Variants in CHCHD6 observed in about 807,000 individuals in gnomAD.
The protein encoded by CHCHD6 is coiled-coil-helix-coiled-coil-helix domain containing 6.
Under a neutral mutation model 32.3 loss-of-function variants are expected in CHCHD6, and 28 were observed. The observed-to-expected ratio is 0.87, with a 90% CI of 0.64 to 1.19. The LOEUF (loss-of-function observed/expected upper bound fraction) is 1.19, where lower values mean the gene tolerates loss of function less well. Among genes scored for constraint, CHCHD6 ranks in the 50% most tolerant of loss-of-function variants. The pLI is 0.00. For missense variants in CHCHD6, 333 were observed against 307.0 expected (o/e 1.08, Z -0.63); for synonymous variants, 122 against 117.5 (o/e 1.04, Z -0.25).
intron 4 of CHCHD6, among the ~76,000 whole-genome samples, chr3:126,776,078 G>T (rs1228284816): frequency 6.6e-6 from 1 of 152,210 alleles, no homozygotes; most frequent in Admixed American, 6.5e-5. Context: ...CCCTTAGTAG[G>T]TGTTGCCTTG....
intron 1 of CHCHD6, among the ~76,000 whole-genome samples, chr3:126,715,065 A>G (rs1469854685): frequency 1.3e-5 from 2 of 152,200 alleles, no homozygotes; most frequent in African/African-American, 4.8e-5. Context: ...TTTTGTGGGT[A>G]TACGGATGCT....
intron 6 of CHCHD6, chr3:126,953,111 G>C: frequency 1.0e-6 from 1 of 985,490 alleles, no homozygotes; most frequent in Non-Finnish European, 1.2e-6. Flanking sequence ...ACAGCTCTGT[G>C]GGGTGGGGTC....
At chr3:126,929,121 A>C (rs966884667) in intron 6 of CHCHD6, among the ~76,000 whole-genome samples, 1 of 152,206 alleles carries the variant, frequency 6.6e-6, no homozygotes, top group Non-Finnish European at 1.5e-5. Flanking sequence ...TCTGAAGATA[A>C]CTTTTATGTC....
chr3:126,867,764 C>A (rs779914133), intron 5 of CHCHD6, among the ~76,000 whole-genome samples: 3 of 152,190 alleles, frequency 2.0e-5, no homozygotes, highest in Non-Finnish European at 4.4e-5. Flanking sequence ...AAGTCCTGCC[C>A]ACATCATTGA....
chr3:126,847,869 C>A (rs1009461426), intron 4 of CHCHD6, among the ~76,000 whole-genome samples: 2 of 152,110 alleles, frequency 1.3e-5, no homozygotes, highest in African/African-American at 4.8e-5. Flanking sequence ...CCTCTCTTAC[C>A]CCCTTGTCCT....
chr3:126,874,114 T>C (rs1433554789), intron 5 of CHCHD6, among the ~76,000 whole-genome samples: 2 of 152,210 alleles, frequency 1.3e-5, no homozygotes, highest in Non-Finnish European at 2.9e-5. Context: ...ATGTCACTTA[T>C]GAAGTGCCGT....
chr3:126,874,439 G>A (rs998313930), intron 5 of CHCHD6, among the ~76,000 whole-genome samples: 12 of 152,288 alleles, frequency 7.9e-5, no homozygotes, highest in East Asian at 3.9e-4. Context: ...AGCTGAGCCC[G>A]TCAGGATGTG....
intron 4 of CHCHD6, among the ~76,000 whole-genome samples, chr3:126,767,700 T>G (rs1937434744): frequency 6.6e-6 from 1 of 152,146 alleles, no homozygotes; most frequent in African/African-American, 2.4e-5. Flanking sequence ...ACCCAGATAA[T>G]TAGCCTAGTA....
chr3:126,825,140 A>G (rs1940333035), intron 4 of CHCHD6, among the ~76,000 whole-genome samples: 1 of 152,002 alleles, frequency 6.6e-6, no homozygotes, highest in African/African-American at 2.4e-5. Flanking sequence ...AATATTTTCT[A>G]ATCTATTTTG....
chr3:126,725,773 A>G (rs1483567695), intron 1 of CHCHD6, among the ~76,000 whole-genome samples: 3 of 152,180 alleles, frequency 2.0e-5, no homozygotes, highest in African/African-American at 7.2e-5. Context: ...CTTTTATGTT[A>G]TGGAGATGGT....
At chr3:126,789,563 T>C (rs1336142292) in intron 4 of CHCHD6, among the ~76,000 whole-genome samples, 1 of 152,256 alleles carries the variant, frequency 6.6e-6, no homozygotes, top group Non-Finnish European at 1.5e-5. Flanking sequence ...ATTGCACCCT[T>C]TACCATTATG....
intron 5 of CHCHD6, among the ~76,000 whole-genome samples, chr3:126,894,183 G>A (rs2077804563): frequency 6.6e-6 from 1 of 152,210 alleles, no homozygotes; most frequent in Admixed American, 6.5e-5. Flanking sequence ...ACCCTTGCTT[G>A]AGGCCATGTG....
intron 4 of CHCHD6, among the ~76,000 whole-genome samples, chr3:126,768,315 C>T (rs1478640356): frequency 6.6e-6 from 1 of 152,164 alleles, no homozygotes; most frequent in Non-Finnish European, 1.5e-5. Context: ...AGCTGTTCCC[C>T]CTTTGCCTTA....
intron 5 of CHCHD6, chr3:126,865,802 C>T: frequency 1.1e-6 from 1 of 910,328 alleles, no homozygotes; most frequent in Non-Finnish European, 1.3e-6. Flanking sequence ...GAAATCCTCT[C>T]ATATATCTCA....
chr3:126,931,608 C>T (rs2078407058), intron 6 of CHCHD6, among the ~76,000 whole-genome samples: 2 of 152,188 alleles, frequency 1.3e-5, no homozygotes, highest in Admixed American at 1.3e-4. Context: ...GAGTCTGCCC[C>T]CCAGGTCATT....
At chr3:126,914,555 T>C (rs1384266481) in intron 5 of CHCHD6, 125 bp from the exon 6 acceptor site, 6 of 689,606 alleles carry the variant, frequency 8.7e-6, no homozygotes, top group Non-Finnish European at 1.6e-5. Flanking sequence ...TGTGGATTAA[T>C]TACCAGTCGG....
intron 5 of CHCHD6, among the ~76,000 whole-genome samples, chr3:126,911,653 G>C (rs1236925269): frequency 6.6e-6 from 1 of 152,234 alleles, no homozygotes; most frequent in Non-Finnish European, 1.5e-5. Context: ...CTTGGCCTGT[G>C]GGTACTTCCT....
At chr3:126,732,981 T>A in intron 3 of CHCHD6, 97 bp from the exon 4 acceptor site, 1 of 1,382,354 alleles carries the variant, frequency 7.2e-7, no homozygotes, top group Non-Finnish European at 1.0e-6. Flanking sequence ...TTTCAGCATT[T>A]CCCTGGTGGC....
At chr3:126,924,687 T>C (rs2078298459) in intron 6 of CHCHD6, among the ~76,000 whole-genome samples, 1 of 152,226 alleles carries the variant, frequency 6.6e-6, no homozygotes, top group Non-Finnish European at 1.5e-5. Context: ...CCTTTCCTCG[T>C]GAACTTGAGC....
Sources: allele counts gnomAD v4.1 joint callset (sites outside exome capture counted in the v4.1 genomes callset), GRCh38; gene constraint gnomAD v4.1.1; transcripts MANE v1.5; gene names NCBI Gene and HGNC (gene_info 2026-07-23, HGNC 2026-07-21).